Variants in CPVL observed in about 807,000 individuals in gnomAD.
CPVL encodes the protein carboxypeptidase vitellogenic like, also known as probable serine carboxypeptidase CPVL.
Under a neutral mutation model 63.7 loss-of-function variants are expected in CPVL, and 51 were observed. That is an observed-to-expected ratio of 0.80 (90% confidence interval 0.64 to 1.01). CPVL has a LOEUF of 1.01. Ranked by LOEUF, CPVL falls within the 50% of genes least tolerant of loss-of-function variation. CPVL has a pLI of 0.00. For synonymous variants in CPVL, 195 were observed against 206.0 expected, an observed-to-expected ratio of 0.95 and a Z score of 0.46; for missense variants, 530 against 573.1, an observed-to-expected ratio of 0.92 and a Z score of 0.77.
chr7:29,158,203 A>G (rs546207296), intron 5 of CPVL, among the ~76,000 whole-genome samples: 2 of 152,350 alleles, frequency 1.3e-5, no homozygotes, highest in South Asian at 2.1e-4. Flanking sequence ...TCCGGAATGA[A>G]TGAATGTCTA....
At chr7:29,164,347 C>G (rs905813634) in intron 5 of CPVL, among the ~76,000 whole-genome samples, 2 of 152,038 alleles carry the variant, frequency 1.3e-5, no homozygotes, top group Non-Finnish European at 2.9e-5. Flanking sequence ...GGTTGTTTCT[C>G]TTCTTATTAA....
chr7:29,167,296 A>T (rs1182731555), intron 5 of CPVL, among the ~76,000 whole-genome samples: 1 of 152,150 alleles, frequency 6.6e-6, no homozygotes, highest in Non-Finnish European at 1.5e-5. Context: ...TTTTCATTCA[A>T]TATGTTTCTG....
upstream of CPVL, chr7:29,147,149 C>T (rs1792845221): frequency 1.3e-6 from 1 of 757,432 alleles, no homozygotes; most frequent in Admixed American, 3.0e-5. Flanking sequence ...ATATTATTAG[C>T]CACCACCAGG....
chr7:29,047,046 G>T (rs184886621), intron 11 of CPVL, among the ~76,000 whole-genome samples: 7 of 152,292 alleles, frequency 4.6e-5, no homozygotes, highest in Admixed American at 4.6e-4. Context: ...TAGTACAAAT[G>T]AACAAGCCAT....
chr7:29,091,029 T>C (rs1271796986), intron 6 of CPVL, among the ~76,000 whole-genome samples: 2 of 152,102 alleles, frequency 1.3e-5, no homozygotes, highest in Non-Finnish European at 2.9e-5. Context: ...CAAAGGGAAA[T>C]GAATAGTGTA....
At chr7:29,077,514 A>G (rs1784349160) in intron 7 of CPVL, among the ~76,000 whole-genome samples, 2 of 152,120 alleles carry the variant, frequency 1.3e-5, no homozygotes, top group South Asian at 4.1e-4. Flanking sequence ...AACTTCAGCA[A>G]TGGTACACTG....
At chr7:29,061,558 T>G (rs1339734728) in intron 11 of CPVL, among the ~76,000 whole-genome samples, 4 of 152,222 alleles carry the variant, frequency 2.6e-5, no homozygotes, top group African/African-American at 9.6e-5. Context: ...TTCTCCTTTA[T>G]CAGTCAAAAC....
chr7:29,099,874 G>A (rs761590456), intron 3 of CPVL, among the ~76,000 whole-genome samples: 7 of 152,116 alleles, frequency 4.6e-5, no homozygotes, highest in African/African-American at 1.2e-4. Flanking sequence ...CAGTTTCCTC[G>A]TCTGTCAAAT....
chr7:29,018,847 C>T (rs1014283392), intron 12 of CPVL, among the ~76,000 whole-genome samples: 1 of 152,108 alleles, frequency 6.6e-6, no homozygotes, highest in African/African-American at 2.4e-5. Flanking sequence ...GCCTTGAGAG[C>T]AATGGCCATG....
At chr7:29,108,422 C>T (rs1484687990) in intron 3 of CPVL, among the ~76,000 whole-genome samples, 1 of 152,038 alleles carries the variant, frequency 6.6e-6, no homozygotes. Flanking sequence ...TTATCTTCTT[C>T]AGTGCAAAAA....
intron 12 of CPVL, among the ~76,000 whole-genome samples, chr7:29,005,136 G>A (rs544387322): frequency 6.6e-6 from 1 of 152,130 alleles, no homozygotes; most frequent in Admixed American, 6.6e-5. Context: ...CTGGGCTCAA[G>A]GGATCCTCCT....
At chr7:29,024,779 C>G (rs1787328212) in intron 12 of CPVL, among the ~76,000 whole-genome samples, 1 of 152,154 alleles carries the variant, frequency 6.6e-6, no homozygotes, top group Non-Finnish European at 1.5e-5. Context: ...GAAAGTCTTT[C>G]CCAGACAAGC....
In CPVL at chr7:29,066,135, G is replaced by C. The variant is rs1004118999; in HGVS notation, c.865-14C>G. ...TTTATCCAGTATCTAGGTTGGGAGAGAGGGAGAAAGAAAGAAAGAAAGAAA... is the reference window on the plus strand; with the variant it reads ...TTTATCCAGTATCTAGGTTGGGAGACAGGGAGAAAGAAAGAAAGAAAGAAA... On this transcript the variant is annotated splice_polypyrimidine_tract_variant and intron_variant, in intron 9 of 12. Transcript: ENST00000265394. 2.3e-6 allele frequency: 3 copies of C among 1,290,552 alleles called. No individual in the cohort carries two copies. The highest frequency in any genetic ancestry group is 3.0e-5 in the African/African-American group (2 of 67,260). The allele number at this position is 1,290,552 out of a possible 1,614,324, so 79.9% of individuals were successfully genotyped here.
chr7:29,127,805 G>A (rs904216833), intron 1 of CPVL, among the ~76,000 whole-genome samples: 10 of 152,078 alleles, frequency 6.6e-5, no homozygotes, highest in African/African-American at 1.7e-4. Flanking sequence ...AATAGGCCTC[G>A]CTGAGTTCCC....
chr7:29,047,342 A>T (rs1452544085), intron 11 of CPVL, among the ~76,000 whole-genome samples: 1 of 152,194 alleles, frequency 6.6e-6, no homozygotes, highest in Non-Finnish European at 1.5e-5. Context: ...ATAAAGAAAA[A>T]ACATCAAAAC....
intron 2 of CPVL, among the ~76,000 whole-genome samples, chr7:29,116,783 T>G (rs536216416): frequency 6.6e-6 from 1 of 152,382 alleles, no homozygotes; most frequent in East Asian, 1.9e-4. Context: ...AGTAAAGATT[T>G]ATTCTAGCTT....
intron 5 of CPVL, among the ~76,000 whole-genome samples, chr7:29,174,012 T>C (rs999509883): frequency 6.6e-6 from 1 of 151,890 alleles, no homozygotes; most frequent in Non-Finnish European, 1.5e-5. Flanking sequence ...TAATTTAGAA[T>C]AATTGAGAGG....
At chr7:29,006,681 C>A (rs1785231433) in intron 12 of CPVL, among the ~76,000 whole-genome samples, 1 of 152,166 alleles carries the variant, frequency 6.6e-6, no homozygotes, top group South Asian at 2.1e-4. Context: ...AACCCCAGAA[C>A]CCCTAAATGT....
In CPVL at chr7:29,052,107, G is replaced by A. The variant is rs113476871; in HGVS notation, c.1137+11954C>T. Among the ~76,000 whole-genome samples the A allele has an allele frequency of 5.7e-3, 866 of 151,944 alleles. 6 individuals are homozygous for A. The highest frequency in any genetic ancestry group is 0.021 in the Middle Eastern group (6 of 292). On this transcript the variant is annotated intron_variant, in intron 11 of 12. Coordinates refer to ENST00000265394, the MANE Select transcript of CPVL (RefSeq NM_031311.5). ...TGTGTGGGAACTAAGCTATGAGGAC[G>A]CAAAGGCATAAGAATGATACAGTGG...
Sources: allele counts gnomAD v4.1 joint callset (sites outside exome capture counted in the v4.1 genomes callset), GRCh38; gene constraint gnomAD v4.1.1; transcripts MANE v1.5; gene names NCBI Gene and HGNC (gene_info 2026-07-23, HGNC 2026-07-21).